Variants in FRMD3 observed in about 807,000 individuals in gnomAD.
FRMD3 encodes the protein FERM domain-containing protein 3.
Under a neutral mutation model 70.2 loss-of-function variants are expected in FRMD3, and 33 were observed. That is an observed-to-expected ratio of 0.47 (90% CI 0.36 to 0.63). FRMD3 has a LOEUF of 0.63. Among genes scored for constraint, FRMD3 ranks in the 20% least tolerant of loss-of-function variants. The pLI is 0.00. For synonymous variants in FRMD3, 279 were observed against 255.9 expected, an observed-to-expected ratio of 1.09 and a Z score of -0.86; for missense variants, 632 against 711.4, an observed-to-expected ratio of 0.89 and a Z score of 1.27.
At chr9:83,480,720 C>T (rs1000712018) in intron 1 of FRMD3, among the ~76,000 whole-genome samples, 8 of 152,110 alleles carry the variant, frequency 5.3e-5, no homozygotes, top group Non-Finnish European at 8.8e-5. Context: ...GTCTCAAGCT[C>T]CCAACCTCAG....
intron 1 of FRMD3, among the ~76,000 whole-genome samples, chr9:83,399,740 A>G (rs1825900311): frequency 6.6e-6 from 1 of 152,182 alleles, no homozygotes; most frequent in Admixed American, 6.5e-5. Flanking sequence ...CACATTTTTT[A>G]ATTGTTAAAA....
intron 1 of FRMD3, among the ~76,000 whole-genome samples, chr9:83,426,174 G>T (rs1170247172): frequency 1.3e-5 from 2 of 152,148 alleles, no homozygotes; most frequent in Non-Finnish European, 2.9e-5. Context: ...CCCTGGCAAG[G>T]TCTACTGCAT....
intron 13 of FRMD3, among the ~76,000 whole-genome samples, chr9:83,271,041 C>T (rs1439452083): frequency 6.6e-6 from 1 of 152,194 alleles, no homozygotes; most frequent in Non-Finnish European, 1.5e-5. Context: ...CTACAGAAGC[C>T]TGCTGAATGC....
At chr9:83,318,280 A>G (rs1835660854) in intron 6 of FRMD3, among the ~76,000 whole-genome samples, 1 of 152,004 alleles carries the variant, frequency 6.6e-6, no homozygotes, top group African/African-American at 2.4e-5. Flanking sequence ...TCCAATGTCT[A>G]TTACTCTCCT....
At position 83,363,536 on chromosome 9, in the gene FRMD3, G is replaced by A. The variant is rs187993420; in HGVS notation, c.295+9377C>T. Among the ~76,000 whole-genome samples, 903 of 149,738 alleles carry A rather than the reference G, an allele frequency of 6.0e-3. 8 individuals carry two copies. The highest frequency in any genetic ancestry group is 8.8e-3 in the Non-Finnish European group (598 of 67,690). ...ATAGATTTGTAGAAATTGATTTGCTGGACCAAGAGACATAGGCTTTTTTTT... is the reference window on the plus strand; with the variant it reads ...ATAGATTTGTAGAAATTGATTTGCTAGACCAAGAGACATAGGCTTTTTTTT... On this transcript the variant is annotated intron_variant, in intron 3 of 13. Coordinates refer to ENST00000304195, the MANE Select transcript of FRMD3 (RefSeq NM_174938.6).
intron 6 of FRMD3, among the ~76,000 whole-genome samples, chr9:83,332,705 T>A (rs1823429642): frequency 6.6e-6 from 1 of 152,184 alleles, no homozygotes. Flanking sequence ...CTCAGCTGAT[T>A]CAGAAAGCAG....
chr9:83,457,832 A>G (rs1313848575), intron 1 of FRMD3, among the ~76,000 whole-genome samples: 1 of 152,122 alleles, frequency 6.6e-6, no homozygotes, highest in Non-Finnish European at 1.5e-5. Flanking sequence ...GATGATGAGT[A>G]TGTTATCTTT....
chr9:83,574,667 T>TA, the FRMD3 span, among the ~76,000 whole-genome samples: 1 of 152,006 alleles, frequency 6.6e-6, no homozygotes, highest in Non-Finnish European at 1.5e-5. Flanking sequence ...GAATGTGGGG[T>TA]AGGTTAGCAA....
intron 13 of FRMD3, among the ~76,000 whole-genome samples, chr9:83,256,150 A>C (rs1474046331): frequency 6.6e-6 from 1 of 152,234 alleles, no homozygotes; most frequent in South Asian, 2.1e-4. Context: ...CCAAAACAGC[A>C]TAGTAATGGT....
intron 13 of FRMD3, among the ~76,000 whole-genome samples, chr9:83,257,497 C>T (rs113036044): frequency 8.6e-5 from 13 of 151,952 alleles, no homozygotes; most frequent in Non-Finnish European, 1.8e-4. Flanking sequence ...ATCCTGCACA[C>T]GTACCCTTGA....
chr9:83,396,339 T>C (rs1825811240), intron 1 of FRMD3, among the ~76,000 whole-genome samples: 2 of 152,216 alleles, frequency 1.3e-5, no homozygotes, highest in South Asian at 2.1e-4. Context: ...CAAAGCACAT[T>C]ATAATAGACT....
intron 6 of FRMD3, among the ~76,000 whole-genome samples, chr9:83,334,358 A>T (rs1823505117): frequency 6.6e-6 from 1 of 152,184 alleles, no homozygotes; most frequent in Non-Finnish European, 1.5e-5. Context: ...ACTAAGCGTC[A>T]TATTTTCCCA....
At chr9:83,424,751 A>G (rs556373925) in intron 1 of FRMD3, among the ~76,000 whole-genome samples, 2 of 152,370 alleles carry the variant, frequency 1.3e-5, no homozygotes, top group African/African-American at 4.8e-5. Flanking sequence ...GAAGACAGAT[A>G]TATCTGTGAT....
chr9:83,349,388 C>T (rs1415731437), intron 4 of FRMD3, among the ~76,000 whole-genome samples: 1 of 152,164 alleles, frequency 6.6e-6, no homozygotes, highest in Admixed American at 6.5e-5. Context: ...CGAAGACAGA[C>T]GCCTCCTATT....
intron 2 of FRMD3, among the ~76,000 whole-genome samples, chr9:83,384,715 G>A (rs554036715): frequency 6.6e-6 from 1 of 152,218 alleles, no homozygotes; most frequent in African/African-American, 2.4e-5. Context: ...AAGACACAAT[G>A]GCCTATCATT....
Position 83,506,254 on chromosome 9 carries a change from C to A in FRMD3, c.147+31831G>T, listed in dbSNP as rs74366208. 1.5e-4 allele frequency among the ~76,000 whole-genome samples: 23 copies of A among 152,140 alleles called. No individual in the cohort carries two copies. In the East Asian group the frequency reaches 3.9e-3, roughly 26 times the overall value. On this transcript the variant is annotated intron_variant, in intron 1 of 13. Coordinates refer to ENST00000304195, the MANE Select transcript of FRMD3 (RefSeq NM_174938.6). ...TTGTAATAGCCAAAACTAGAAGCAA[C>A]CTAAATGTCTATCAATAATGTTTTA...
At chr9:83,439,661 T>G (rs762729404) in intron 1 of FRMD3, among the ~76,000 whole-genome samples, 1 of 152,246 alleles carries the variant, frequency 6.6e-6, no homozygotes, top group Non-Finnish European at 1.5e-5. Flanking sequence ...GTTCTCTGTT[T>G]GCAGAAACAT....
At chr9:83,334,368 A>T (rs1823505230) in intron 6 of FRMD3, among the ~76,000 whole-genome samples, 1 of 152,166 alleles carries the variant, frequency 6.6e-6, no homozygotes. Flanking sequence ...ATATTTTCCC[A>T]GCTGAAATAA....
intron 13 of FRMD3, 93 bp from the exon 14 acceptor site, chr9:83,248,609 A>C: frequency 7.8e-7 from 1 of 1,277,134 alleles, no homozygotes; most frequent in Non-Finnish European, 1.1e-6. Context: ...AACTAATGGG[A>C]TTCAAGCAAT....
Sources: gnomAD v4.1 joint callset for allele counts (sites outside exome capture counted in the v4.1 genomes callset) on GRCh38, gnomAD v4.1.1 for gene constraint, MANE v1.5 for transcripts, NCBI Gene and HGNC (gene_info 2026-07-23, HGNC 2026-07-21) for gene names.